UQCC5: variants seen among roughly 807,000 people sequenced by gnomAD.
UQCC5 encodes the protein ubiquinol-cytochrome c reductase complex assembly factor 5.
chr3:52,540,289 T>C, the UQCC5 span: 1 of 642,178 alleles, frequency 1.6e-6, no homozygotes, highest in Middle Eastern at 4.1e-4. Context: ...TTTAAGTTTA[T>C]TTTGGCATTG....
the UQCC5 span, among the ~76,000 whole-genome samples, chr3:52,537,319 G>A: frequency 2.0e-5 from 3 of 152,196 alleles, no homozygotes; most frequent in African/African-American, 7.2e-5. Flanking sequence ...GATCTGCCTG[G>A]CTTTGCTAAT....
At chr3:52,540,589 C>T in the UQCC5 span, 2 of 808,806 alleles carry the variant, frequency 2.5e-6, no homozygotes, top group South Asian at 1.9e-5. Flanking sequence ...ACAGCTTGTC[C>T]TTTATCAGCT....
At chr3:52,538,763 A>G in the UQCC5 span, among the ~76,000 whole-genome samples, 3 of 152,188 alleles carry the variant, frequency 2.0e-5, no homozygotes, top group Admixed American at 6.5e-5. Context: ...GCCTGGCCCA[A>G]ATCCCAACAT....
the UQCC5 span, chr3:52,536,819 A>G: frequency 6.4e-7 from 1 of 1,551,772 alleles, no homozygotes; most frequent in East Asian, 2.4e-5. Flanking sequence ...GCGATTTGGC[A>G]TCTACCGGTT....
At chr3:52,539,996 G>C in the UQCC5 span, among the ~76,000 whole-genome samples, 2,143 of 152,324 alleles carry the variant, frequency 0.014, 19 homozygotes, top group South Asian at 0.036. Flanking sequence ...GCAGCAGCTG[G>C]AACAAGGAAA....
chr3:52,540,495 T>C, the UQCC5 span: 1 of 1,516,208 alleles, frequency 6.6e-7, no homozygotes, highest in East Asian at 2.5e-5. Context: ...AGACTGAACT[T>C]CAGCAGTCAA....
chr3:52,537,066 C>G, the UQCC5 span, among the ~76,000 whole-genome samples: 1 of 152,184 alleles, frequency 6.6e-6, no homozygotes. Context: ...CGGCCTGGCT[C>G]TCCTGTAGGC....
At chr3:52,541,889 A>T in the UQCC5 span, 2 of 152,232 alleles carry the variant, frequency 1.3e-5, no homozygotes, top group African/African-American at 4.8e-5. Context: ...ACCATTGGCT[A>T]ACTTTTGTGT....
At chr3:52,540,409 T>C in the UQCC5 span, 2 of 1,513,088 alleles carry the variant, frequency 1.3e-6, no homozygotes, top group Non-Finnish European at 1.8e-6. Flanking sequence ...CTGAGCAACT[T>C]TTTGTTTGAT....
At chr3:52,540,306 A>C in the UQCC5 span, 1 of 734,142 alleles carries the variant, frequency 1.4e-6, no homozygotes, top group East Asian at 3.0e-5. Context: ...ATTGAGTTAA[A>C]TATTAATGCC....
the UQCC5 span, chr3:52,536,843 T>C: frequency 4.5e-6 from 7 of 1,551,714 alleles, no homozygotes; most frequent in Non-Finnish European, 6.1e-6. Flanking sequence ...GCCCTTCTTT[T>C]TTGTCCTGGG....
chr3:52,539,338 C>G, the UQCC5 span, among the ~76,000 whole-genome samples: 1 of 152,080 alleles, frequency 6.6e-6, no homozygotes, highest in African/African-American at 2.4e-5. Context: ...TAAGACGGGG[C>G]CAAGGACCTG....
At chr3:52,539,027 G>GTTCCTT in the UQCC5 span, among the ~76,000 whole-genome samples, 1 of 152,168 alleles carries the variant, frequency 6.6e-6, no homozygotes, top group Non-Finnish European at 1.5e-5. Context: ...AGCTGGAAGA[G>GTTCCTT]TTCCTTATGA....
the UQCC5 span, among the ~76,000 whole-genome samples, chr3:52,538,597 G>A: frequency 3.4e-4 from 52 of 152,280 alleles, no homozygotes; most frequent in Non-Finnish European, 5.9e-4. Flanking sequence ...GAGTAGCTGG[G>A]ATTACAGGCA....
the UQCC5 span, chr3:52,537,038 T>C: frequency 3.2e-6 from 4 of 1,264,932 alleles, no homozygotes; most frequent in African/African-American, 6.0e-5. Flanking sequence ...TGCAGTTCCA[T>C]TCGCTTGGCA....
chr3:52,539,827 C>T, the UQCC5 span, among the ~76,000 whole-genome samples: 10 of 152,124 alleles, frequency 6.6e-5, no homozygotes, highest in African/African-American at 9.6e-5. Context: ...TTAGTAGTGA[C>T]GGGGTTTCAC....
chr3:52,539,799 C>T, the UQCC5 span, among the ~76,000 whole-genome samples: 45 of 152,124 alleles, frequency 3.0e-4, no homozygotes, highest in South Asian at 1.0e-3. Flanking sequence ...CCACCACACC[C>T]GGTTAATTTT....
the UQCC5 span, chr3:52,536,999 C>G: frequency 6.7e-7 from 1 of 1,481,758 alleles, no homozygotes; most frequent in Non-Finnish European, 9.1e-7. Context: ...GATTGCAGAC[C>G]GCGCATTCCA....
the UQCC5 span, chr3:52,541,354 A>G: frequency 6.6e-6 from 1 of 152,188 alleles, no homozygotes; most frequent in East Asian, 1.9e-4. Context: ...ACTAAAGACT[A>G]AGTTTCAGAA....
Sources: gnomAD v4.1 joint callset for allele counts (sites outside exome capture counted in the v4.1 genomes callset) on GRCh38, gnomAD v4.1.1 for gene constraint, MANE v1.5 for transcripts, NCBI Gene and HGNC (gene_info 2026-07-23, HGNC 2026-07-21) for gene names.